The following MARCHF3 variants were observed in gnomAD, a reference collection of about 807,000 sequenced individuals.
MARCHF3 encodes membrane associated ring-CH-type finger 3, also known as E3 ubiquitin-protein ligase MARCHF3.
MARCHF3 carries 13 observed loss-of-function variants against 24.2 expected under a neutral mutation model. The ratio of observed to expected loss-of-function variants is 0.54; its 90% CI spans 0.35 to 0.85. The LOEUF (loss-of-function observed/expected upper bound fraction) is 0.85. MARCHF3 is among the 40% of genes least tolerant of loss of function. The pLI, the probability that MARCHF3 is intolerant of heterozygous loss-of-function variation, is 0.01. For synonymous variants in MARCHF3, 144 were observed against 137.3 expected (o/e 1.05, Z -0.34); for missense variants, 276 against 325.0 (o/e 0.85, Z 1.16).
intron 3 of MARCHF3, 193 bp downstream of exon 3, chr5:126,914,735 CTG>C: frequency 1.6e-6 from 1 of 610,878 alleles, no homozygotes; most frequent in Non-Finnish European, 2.9e-6. Flanking sequence ...TCTCCCTTCT[CTG>C]TGTCTGTCTG....
chr5:126,888,011 G>A (rs1286353172), intron 3 of MARCHF3, among the ~76,000 whole-genome samples: 4 of 152,132 alleles, frequency 2.6e-5, no homozygotes, highest in Non-Finnish European at 5.9e-5. Flanking sequence ...AGATTCTTCT[G>A]GCCTGTCCAC....
chr5:127,003,249 G>A (rs1752188783), intron 1 of MARCHF3, among the ~76,000 whole-genome samples: 2 of 152,096 alleles, frequency 1.3e-5, no homozygotes, highest in South Asian at 4.1e-4. Flanking sequence ...GGAGGCCGAG[G>A]CGGGCGGAAC....
At chr5:126,884,450 C>G (rs960136430) in intron 3 of MARCHF3, among the ~76,000 whole-genome samples, 7 of 152,208 alleles carry the variant, frequency 4.6e-5, no homozygotes, top group African/African-American at 1.7e-4. Context: ...GGCCTCTCTC[C>G]AAACCTCTAG....
At chr5:127,029,855 G>A (rs994262338) in intron 1 of MARCHF3, 1 of 152,260 alleles carries the variant, frequency 6.6e-6, no homozygotes, top group Non-Finnish European at 1.5e-5. Flanking sequence ...CCTCTCAGTA[G>A]CTGCAGAGCA....
intron 1 of MARCHF3, among the ~76,000 whole-genome samples, chr5:126,962,171 T>C (rs1750659065): frequency 1.3e-5 from 2 of 152,152 alleles, no homozygotes; most frequent in Non-Finnish European, 2.9e-5. Context: ...AAAGAAATTT[T>C]TTGGTAAACA....
At chr5:126,915,243 A>ATGATACGAC in intron 2 of MARCHF3, 109 bp from the exon 3 acceptor site, 2 of 930,630 alleles carry the variant, frequency 2.1e-6, no homozygotes, top group Non-Finnish European at 3.1e-6. Flanking sequence ...AGCTGCTTTA[A>ATGATACGAC]GACCTCTTAG....
intron 1 of MARCHF3, among the ~76,000 whole-genome samples, chr5:126,957,790 T>A (rs1750499021): frequency 6.6e-6 from 1 of 152,156 alleles, no homozygotes; most frequent in African/African-American, 2.4e-5. Context: ...CTGTTGTTTA[T>A]CCTTCCTGAT....
chr5:127,012,506 T>C (rs62392936), intron 1 of MARCHF3, among the ~76,000 whole-genome samples: 3,232 of 152,270 alleles, frequency 0.021, 57 homozygotes, highest in Non-Finnish European at 0.035. Context: ...TCTAGTATCA[T>C]TGAGGTTTGA....
intron 4 of MARCHF3, 80 bp downstream of exon 4, chr5:126,878,105 C>A: frequency 7.1e-7 from 1 of 1,409,718 alleles, no homozygotes; most frequent in Non-Finnish European, 9.9e-7. Context: ...AGATGTGTTA[C>A]AGACAAGAGG....
chr5:126,964,664 C>T (rs959256141), intron 1 of MARCHF3, among the ~76,000 whole-genome samples: 3 of 152,212 alleles, frequency 2.0e-5, no homozygotes, highest in Non-Finnish European at 4.4e-5. Context: ...ATTTCACAGC[C>T]TAGGCTGGGG....
chr5:126,978,082 G>A (rs1388565614), intron 1 of MARCHF3, among the ~76,000 whole-genome samples: 2 of 152,248 alleles, frequency 1.3e-5, no homozygotes, highest in East Asian at 3.8e-4. Context: ...GCCCCCAAGA[G>A]AAAGGCTTTG....
At chr5:126,957,244 G>C (rs977026983) in intron 1 of MARCHF3, among the ~76,000 whole-genome samples, 15 of 151,658 alleles carry the variant, frequency 9.9e-5, no homozygotes, top group African/African-American at 3.6e-4. Flanking sequence ...CTTTTTATTA[G>C]TGGTGCTTAA....
chr5:126,962,822 T>C (rs1400973381), intron 1 of MARCHF3, among the ~76,000 whole-genome samples: 1 of 99,048 alleles, frequency 1.0e-5, no homozygotes, highest in East Asian at 2.4e-4. Flanking sequence ...CCTGTGTGTG[T>C]GTGTGTGTGT....
intron 1 of MARCHF3, among the ~76,000 whole-genome samples, chr5:126,989,916 G>C (rs1751695023): frequency 6.6e-6 from 1 of 152,056 alleles, no homozygotes; most frequent in East Asian, 1.9e-4. Context: ...CTGAAGTCAG[G>C]AGTTTGAGAC....
At chr5:126,893,727 G>T (rs1221987446) in intron 3 of MARCHF3, among the ~76,000 whole-genome samples, 1 of 125,242 alleles carries the variant, frequency 8.0e-6, no homozygotes, top group Non-Finnish European at 1.7e-5. Context: ...GTCAATTTTG[G>T]AATAGGTGTG....
chr5:126,938,519 G>A (rs1481746129), intron 1 of MARCHF3, among the ~76,000 whole-genome samples: 8 of 148,280 alleles, frequency 5.4e-5, no homozygotes, highest in Admixed American at 4.7e-4. Flanking sequence ...AAAGCTAGGA[G>A]TTAACATGTA....
chr5:126,902,628 G>C (rs1754146497), intron 3 of MARCHF3, among the ~76,000 whole-genome samples: 1 of 152,114 alleles, frequency 6.6e-6, no homozygotes, highest in African/African-American at 2.4e-5. Flanking sequence ...ATCTGGCACG[G>C]TCATGTGAAC....
intron 1 of MARCHF3, among the ~76,000 whole-genome samples, chr5:126,950,549 C>T (rs140155803): frequency 1.6e-4 from 25 of 152,256 alleles, no homozygotes; most frequent in East Asian, 1.2e-3. Flanking sequence ...TTGACTCTGC[C>T]TCTCCAGCTG....
At chr5:126,961,655 G>A (rs560477997) in intron 1 of MARCHF3, among the ~76,000 whole-genome samples, 2 of 152,158 alleles carry the variant, frequency 1.3e-5, no homozygotes, top group South Asian at 4.1e-4. Context: ...AGTCTGCCCT[G>A]GTATTCTTTG....
Sources: gnomAD v4.1 joint callset for allele counts (sites outside exome capture counted in the v4.1 genomes callset) on GRCh38, gnomAD v4.1.1 for gene constraint, MANE v1.5 for transcripts, NCBI Gene and HGNC (gene_info 2026-07-23, HGNC 2026-07-21) for gene names.